The following PCNP variants were observed in gnomAD, a reference collection of about 807,000 sequenced individuals.
PCNP encodes PEST proteolytic signal containing nuclear protein.
A neutral mutation model predicts 21.8 loss-of-function variants in PCNP; 6 were observed. The ratio of observed to expected loss-of-function variants is 0.28; its 90% CI spans 0.15 to 0.54. The LOEUF is 0.54. PCNP is among the 20% of genes least tolerant of loss of function. PCNP has a pLI of 0.95. For missense variants in PCNP, 161 were observed against 215.5 expected (o/e 0.75, Z 1.58); for synonymous variants, 67 against 73.2 (o/e 0.92, Z 0.43).
intron 2 of PCNP, among the ~76,000 whole-genome samples, 163 bp from the exon 3 acceptor site, chr3:101,585,274 T>A (rs1935436689): frequency 6.6e-6 from 1 of 152,202 alleles, no homozygotes; most frequent in African/African-American, 2.4e-5. Flanking sequence ...TAATCCACAT[T>A]TTTGAAAAGA....
At chr3:101,577,556 G>T (rs570642299) in intron 1 of PCNP, among the ~76,000 whole-genome samples, 10 of 152,262 alleles carry the variant, frequency 6.6e-5, no homozygotes, top group Admixed American at 2.6e-4. Flanking sequence ...ATGAAGTCAC[G>T]CTCTGTCGCC....
intron 4 of PCNP, among the ~76,000 whole-genome samples, chr3:101,590,746 G>T (rs9872125): frequency 0.015 from 2,237 of 151,640 alleles, 49 homozygotes; most frequent in African/African-American, 0.051. Context: ...GCAAGGTCTC[G>T]CTATGTTGCC....
chr3:101,591,717 A>G lies in PCNP; in HGVS notation c.411-910A>G, dbSNP rs945688443. On this transcript the variant is annotated intron_variant, in intron 4 of 4. Transcript: ENST00000265260. ...ATCACATTGACTTCATGATGCTGTT[A>G]ATGGATTACAGGCAACAGGTTTTTT... Among the ~76,000 whole-genome samples, 4 of 150,664 alleles carry G rather than the reference A, an allele frequency of 2.7e-5. No individual in the cohort carries two copies. In the East Asian group the frequency reaches 7.8e-4, roughly 29 times the overall value.
At chr3:101,578,634 A>C (rs1288617862) in intron 1 of PCNP, among the ~76,000 whole-genome samples, 2 of 152,228 alleles carry the variant, frequency 1.3e-5, no homozygotes. Context: ...TGTTTTGTTC[A>C]AAGTGCTTAT....
At chr3:101,590,147 C>T (rs952426253) in intron 3 of PCNP, 68 bp from the exon 4 acceptor site, 29 of 811,504 alleles carry the variant, frequency 3.6e-5, no homozygotes, top group Admixed American at 1.3e-4. Flanking sequence ...TAAAATTTAG[C>T]GTATTAGTAA....
intron 3 of PCNP, among the ~76,000 whole-genome samples, chr3:101,588,866 A>G (rs1472432425): frequency 6.6e-6 from 1 of 152,250 alleles, no homozygotes; most frequent in Non-Finnish European, 1.5e-5. Flanking sequence ...AATATGCCCC[A>G]TCACTAAAAG....
chr3:101,580,810 A>G (rs971263953), intron 2 of PCNP, among the ~76,000 whole-genome samples: 2 of 152,230 alleles, frequency 1.3e-5, no homozygotes, highest in African/African-American at 4.8e-5. Context: ...TGAAAATTTC[A>G]TAACCTTCAA....
rs1216893269 is a variant in PCNP, at chr3:101,593,119, T to C, written c.*366T>C. 1 of 157,340 alleles carries C rather than the reference T, an allele frequency of 6.4e-6. No individual in the cohort carries two copies. Among genetic ancestry groups the C allele is most frequent in the South Asian group, 1.9e-4 (1 of 5,150 alleles). 9.7% of individuals were successfully genotyped at this position (157,340 alleles called of 1,614,324 possible). A position where few individuals can be genotyped will look rare whatever the true frequency, so the allele number is the denominator to read the frequency against. The stretch of plus-strand genomic sequence containing the variant: ...TAAAACTGCAAGCAGTTAACTCTCT[T>C]AACTCCCTTATTACCTAAACTTGTC... On this transcript the variant is annotated 3_prime_UTR_variant, in exon 5 of 5. Transcript: ENST00000265260.
chr3:101,587,250 C>CA (rs34295234), intron 3 of PCNP, among the ~76,000 whole-genome samples: 2,400 of 123,360 alleles, frequency 0.019, 64 homozygotes, highest in African/African-American at 0.058. Context: ...AACTCTGTCT[C>CA]AAAAAAAAAA....
chr3:101,592,457 A>G (rs1321660179), intron 4 of PCNP, among the ~76,000 whole-genome samples, 170 bp from the exon 5 acceptor site: 5 of 152,214 alleles, frequency 3.3e-5, no homozygotes, highest in African/African-American at 9.6e-5. Context: ...TACAGGTATC[A>G]GCACCATGCC....
intron 2 of PCNP, among the ~76,000 whole-genome samples, chr3:101,581,750 A>AT (rs1174571155): frequency 1.4e-5 from 2 of 142,922 alleles, no homozygotes; most frequent in African/African-American, 5.2e-5. Flanking sequence ...TCTTTTTTTT[A>AT]TTTTTTTGAG....
chr3:101,576,888 G>C lies in PCNP; in HGVS notation c.64+2609G>C, dbSNP rs930697356. The C allele has an allele frequency of 1.9e-5, 30 of 1,605,736 alleles. No homozygotes were observed. The South Asian group carries it at 3.3e-4, about 18-fold the overall frequency. On this transcript the variant is annotated intron_variant, in intron 1 of 4. Coordinates refer to ENST00000265260, the MANE Select transcript of PCNP (RefSeq NM_020357.3). The stretch of plus-strand genomic sequence containing the variant: ...CAAAGGCTATTTTCCGCTGCCCATC[G>C]ATGTTGGTGTTGAGTACTCGCAAAA...
rs531175562 is a variant in PCNP, at chr3:101,586,538, G to A, written c.354+1027G>A. ...GTTGTTCCCAAAAGCATATGTGGGC[G>A]TATATTCGTGTGTGTGTGTGTGTGT... is the stretch of plus-strand genomic sequence containing the variant. On this transcript the variant is annotated intron_variant, in intron 3 of 4. Transcript: ENST00000265260. Among the ~76,000 whole-genome samples, 36 of 79,378 alleles carry A rather than the reference G, an allele frequency of 4.5e-4. 1 individual carries two copies. Among genetic ancestry groups the A allele is most frequent in the Middle Eastern group, 7.5e-3 (1 of 134 alleles). The allele number at this position is 79,378 out of a possible 152,430, so 52.1% of individuals were successfully genotyped here.
chr3:101,579,920 T>C lies in PCNP; in HGVS notation c.195T>C (p.Pro65=). 6.2e-7 allele frequency: 1 copy of C among 1,614,096 alleles called. No individual in the cohort carries two copies. Among genetic ancestry groups the C allele is most frequent in the Non-Finnish European group, 8.5e-7 (1 of 1,179,940 alleles). ...AAGCTGCCGACCTCCCAACAAAGCC[T>C]ACAAAGATCTCCAAGTTTGGATTTG... ...EEEAADLPTK[P]TKISKFGFAI... Residue 65 remains proline, a synonymous_variant, in exon 2 of 5, where the codon CCT becomes CCC. Coordinates refer to ENST00000265260, the MANE Select transcript of PCNP (RefSeq NM_020357.3).
rs1935912938 is a variant in PCNP at position 101,593,374 on chromosome 3, C to G, written c.*621C>G. 6.6e-6 allele frequency: 1 copy of G among 152,400 alleles called. No homozygotes were observed. Among genetic ancestry groups the G allele is most frequent in the South Asian group, 2.1e-4 (1 of 4,818 alleles). 9.4% of individuals were successfully genotyped at this position (152,400 alleles called of 1,614,324 possible). Reference sequence around the variant, plus strand: ...TAAACTGTTGAATATTTGAAATAGTCCACTTCACCTTAATGGGTCTTGTCT... The same window carrying G: ...TAAACTGTTGAATATTTGAAATAGTGCACTTCACCTTAATGGGTCTTGTCT... On this transcript the variant is annotated 3_prime_UTR_variant, in exon 5 of 5. Coordinates refer to ENST00000265260, the MANE Select transcript of PCNP (RefSeq NM_020357.3).
intron 2 of PCNP, among the ~76,000 whole-genome samples, chr3:101,582,222 A>G (rs1234208861): frequency 2.6e-5 from 4 of 152,130 alleles, no homozygotes; most frequent in African/African-American, 9.7e-5. Context: ...TGGGAGGCCA[A>G]GGTGGGTGGA....
chr3:101,594,231 T>C lies in PCNP; in HGVS notation c.*1478T>C, dbSNP rs1935950228. ...TAGAACTCTTAGTTCTTACATGATT[T>C]AATTATATCGATACATGAATTTAAC... On this transcript the variant is annotated 3_prime_UTR_variant, in exon 5 of 5. Transcript: ENST00000265260. 6.6e-6 allele frequency: 1 copy of C among 152,634 alleles called. No homozygotes were observed. The highest frequency in any genetic ancestry group is 1.5e-5 in the Non-Finnish European group (1 of 68,038). The allele number at this position is 152,634 out of a possible 1,614,324, so 9.5% of individuals were successfully genotyped here.
intron 2 of PCNP, among the ~76,000 whole-genome samples, chr3:101,581,819 C>G (rs1935240422): frequency 6.6e-6 from 1 of 152,048 alleles, no homozygotes; most frequent in South Asian, 2.1e-4. Flanking sequence ...TGGCTCACTG[C>G]AACCTCTGAC....
At chr3:101,582,531 G>C (rs1935279014) in intron 2 of PCNP, among the ~76,000 whole-genome samples, 1 of 152,152 alleles carries the variant, frequency 6.6e-6, no homozygotes, top group Admixed American at 6.5e-5. Flanking sequence ...GAAATTGCTG[G>C]ATTGATTATG....
Sources: gnomAD v4.1 joint callset for allele counts (sites outside exome capture counted in the v4.1 genomes callset) on GRCh38, gnomAD v4.1.1 for gene constraint, MANE v1.5 for transcripts, NCBI Gene and HGNC (gene_info 2026-07-23, HGNC 2026-07-21) for gene names.